The following CDYL variants were observed in gnomAD, a reference collection of about 807,000 sequenced individuals.
CDYL encodes the protein chromodomain Y-like protein.
Under a neutral mutation model 47.3 loss-of-function variants are expected in CDYL, and 8 were observed. The observed-to-expected ratio is 0.17, with a 90% CI of 0.10 to 0.31. The LOEUF is 0.31. Ranked by LOEUF, CDYL falls within the 10% of genes least tolerant of loss-of-function variation. CDYL has a pLI of 1.00. For missense variants in CDYL, 471 were observed against 701.4 expected (o/e 0.67, Z 3.71); for synonymous variants, 266 against 265.0 (o/e 1.00, Z -0.04).
intron 1 of CDYL, among the ~76,000 whole-genome samples, chr6:4,833,009 CT>C (rs1416657744): frequency 2.3e-4 from 34 of 150,378 alleles, no homozygotes; most frequent in Non-Finnish European, 4.4e-4. Context: ...TTTGTTGATC[CT>C]TTCAAAAAAC....
At chr6:4,831,817 GTTTTA>G (rs1760153097) in intron 1 of CDYL, among the ~76,000 whole-genome samples, 1 of 152,136 alleles carries the variant, frequency 6.6e-6, no homozygotes, top group Admixed American at 6.6e-5. Context: ...ATTCCTAAGT[GTTTTA>G]TTCTCTTTGT....
rs181554401 is a variant in CDYL, at chr6:4,906,158, T to C, written c.691+13779T>C. 6.6e-5 allele frequency among the ~76,000 whole-genome samples: 10 copies of C among 152,364 alleles called. No homozygotes were observed. The South Asian group carries it at 1.7e-3, about 25-fold the overall frequency. On this transcript the variant is annotated intron_variant, in intron 2 of 6. Transcript: ENST00000397588. ...CTGCCTCTCCCATGGGCGGATGATA[T>C]GACTTTTATTGAATGGAAAACCGGA...
At position 4,810,674 on chromosome 6, in the gene CDYL, C is replaced by G. The variant is rs567627656; in HGVS notation, c.24+33867C>G. 2.0e-5 allele frequency among the ~76,000 whole-genome samples: 3 copies of G among 152,234 alleles called. No individual in the cohort carries two copies. The South Asian group carries it at 6.2e-4, about 32-fold the overall frequency. ...AATAACATAAATGTATGCTCATAGT[C>G]CTGGGGGCCCAGAAGTCCAAGGTCA... On this transcript the variant is annotated intron_variant, in intron 1 of 6. Transcript: ENST00000397588.
At chr6:4,790,963 G>A (rs1181222611) in intron 1 of CDYL, among the ~76,000 whole-genome samples, 1 of 152,204 alleles carries the variant, frequency 6.6e-6, no homozygotes, top group African/African-American at 2.4e-5. Flanking sequence ...ATCAGCAAGT[G>A]CTCACTTTGG....
intron 1 of CDYL, among the ~76,000 whole-genome samples, chr6:4,855,811 G>A (rs1301195982): frequency 6.6e-6 from 1 of 152,080 alleles, no homozygotes; most frequent in Non-Finnish European, 1.5e-5. Context: ...CACACTAAGG[G>A]GTCTCCACCT....
intron 1 of CDYL, among the ~76,000 whole-genome samples, chr6:4,777,168 T>TGG (rs1426949727): frequency 1.3e-4 from 10 of 79,482 alleles, no homozygotes; most frequent in African/African-American, 3.8e-4. Context: ...GGGGGTGGGG[T>TGG]GTGGGGGGGT....
chr6:4,918,461 C>T (rs1757618628), intron 2 of CDYL, among the ~76,000 whole-genome samples: 1 of 151,270 alleles, frequency 6.6e-6, no homozygotes, highest in South Asian at 2.1e-4. Flanking sequence ...TTTTCAAAGG[C>T]TTTAAAAAGG....
At chr6:4,761,658 G>T (rs1758177794) in intron 3 of CDYL, among the ~76,000 whole-genome samples, 1 of 152,174 alleles carries the variant, frequency 6.6e-6, no homozygotes, top group South Asian at 2.1e-4. Context: ...CCCCAGAATT[G>T]TTAAAGGTGA....
chr6:4,816,736 A>T lies in CDYL; in HGVS notation c.24+39929A>T, dbSNP rs550809273. Among the ~76,000 whole-genome samples the T allele has an allele frequency of 4.6e-5, 7 of 152,094 alleles. No individual in the cohort carries two copies. The South Asian group carries it at 1.5e-3, about 32-fold the overall frequency. ...ACTCCTGAGCTCAAGTGATCTGTCC[A>T]TCTCAGCCTCCCAAAGTGCTGGGAT... is the stretch of plus-strand genomic sequence containing the variant. On this transcript the variant is annotated intron_variant, in intron 1 of 6. Coordinates refer to ENST00000397588, the MANE Select transcript of CDYL (RefSeq NM_004824.4).
intron 2 of CDYL, among the ~76,000 whole-genome samples, chr6:4,721,653 C>G (rs1757371974): frequency 6.6e-6 from 1 of 151,972 alleles, no homozygotes; most frequent in Admixed American, 6.6e-5. Flanking sequence ...AGTGCTGGGA[C>G]TACAGGCATG....
At chr6:4,852,467 C>T (rs1323056654) in intron 1 of CDYL, among the ~76,000 whole-genome samples, 1 of 127,304 alleles carries the variant, frequency 7.9e-6, no homozygotes, top group African/African-American at 3.1e-5. Flanking sequence ...TTCCTTCCTT[C>T]CAATCTTCCT....
At chr6:4,711,763 G>A (rs1281261559) in intron 1 of CDYL, among the ~76,000 whole-genome samples, 1 of 152,124 alleles carries the variant, frequency 6.6e-6, no homozygotes. Flanking sequence ...ACCACCAAGC[G>A]AGTATAAAAG....
intron 3 of CDYL, among the ~76,000 whole-genome samples, chr6:4,747,044 C>T (rs937407916): frequency 1.3e-5 from 2 of 152,178 alleles, no homozygotes; most frequent in Non-Finnish European, 2.9e-5. Context: ...CACAGTGGCT[C>T]ACGCCTGTAA....
At chr6:4,732,723 A>G (rs911750763) in intron 2 of CDYL, among the ~76,000 whole-genome samples, 109 of 152,090 alleles carry the variant, frequency 7.2e-4, no homozygotes, top group Non-Finnish European at 9.7e-4. Context: ...TTTTGAGGGG[A>G]AAAAAGGTAA....
intron 1 of CDYL, among the ~76,000 whole-genome samples, chr6:4,800,696 A>T (rs992949623): frequency 1.3e-5 from 2 of 152,178 alleles, no homozygotes; most frequent in South Asian, 4.1e-4. Context: ...GAATACTAGA[A>T]TTCTTGGTTG....
At chr6:4,734,869 C>G (rs1239261064) in intron 3 of CDYL, 1 of 1,613,146 alleles carries the variant, frequency 6.2e-7, no homozygotes, top group Non-Finnish European at 8.5e-7. Flanking sequence ...CTCCCAGTGG[C>G]AAGCTTGGAG....
chr6:4,922,654 A>G (rs1303668173), intron 2 of CDYL, among the ~76,000 whole-genome samples: 1 of 152,090 alleles, frequency 6.6e-6, no homozygotes, highest in Non-Finnish European at 1.5e-5. Flanking sequence ...CCCTTTTATC[A>G]TTGTTATTTA....
intron 1 of CDYL, among the ~76,000 whole-genome samples, chr6:4,861,979 T>C (rs940843935): frequency 2.0e-5 from 3 of 152,134 alleles, no homozygotes; most frequent in Non-Finnish European, 4.4e-5. Flanking sequence ...TTTTTATAAA[T>C]TCATAGCCCT....
At chr6:4,949,747 ATGCT>A (rs1223750737) in intron 5 of CDYL, among the ~76,000 whole-genome samples, 4 of 152,246 alleles carry the variant, frequency 2.6e-5, no homozygotes, top group African/African-American at 7.2e-5. Flanking sequence ...ATATAAGAAT[ATGCT>A]CACGCAAATT....
Sources: allele counts gnomAD v4.1 joint callset (sites outside exome capture counted in the v4.1 genomes callset), GRCh38; gene constraint gnomAD v4.1.1; transcripts MANE v1.5; gene names NCBI Gene and HGNC (gene_info 2026-07-23, HGNC 2026-07-21).